BRCA2: variants seen among roughly 807,000 people sequenced by gnomAD.
BRCA2 encodes breast cancer type 2 susceptibility protein.
In BRCA2, 203 loss-of-function variants were observed where a neutral mutation model predicts 276.7. The ratio of observed to expected loss-of-function variants is 0.73; its 90% CI spans 0.65 to 0.82. BRCA2 has a LOEUF of 0.82. Ranked by LOEUF, BRCA2 falls within the 40% of genes least tolerant of loss-of-function variation. The pLI, the probability that BRCA2 is intolerant of heterozygous loss-of-function variation, is 0.00. For synonymous variants in BRCA2, 1,289 were observed against 1,338.4 expected (o/e 0.96, Z 0.81); for missense variants, 3,920 against 3,915.0 (o/e 1.00, Z -0.03).
At chr13:32,330,392 G>A (rs1319047385) in intron 8 of BRCA2, among the ~76,000 whole-genome samples, 4 of 152,156 alleles carry the variant, frequency 2.6e-5, no homozygotes, top group African/African-American at 9.7e-5. Flanking sequence ...CTTAAGTCGA[G>A]AACTTTCACT....
intron 8 of BRCA2, among the ~76,000 whole-genome samples, chr13:32,330,403 G>A (rs748384406): frequency 1.3e-5 from 2 of 152,152 alleles, no homozygotes; most frequent in Non-Finnish European, 1.5e-5. Context: ...AACTTTCACT[G>A]TTTCAATTAA....
rs949986087 is a variant in BRCA2, at chr13:32,356,730, G to A, written c.7617+121G>A. The A allele has an allele frequency of 4.1e-5, 50 of 1,214,764 alleles. No homozygotes were observed. In the African/African-American group the frequency reaches 5.7e-4, roughly 14 times the overall value. 75.2% of individuals were successfully genotyped at this position (1,214,764 alleles called of 1,614,324 possible). ...CACATTAGTGCAGGAATGGATGAATGAAATCATCATATTTTCTAATTAGCC... is the reference window on the plus strand; with the variant it reads ...CACATTAGTGCAGGAATGGATGAATAAAATCATCATATTTTCTAATTAGCC... On this transcript the variant is annotated intron_variant, in intron 15 of 26. Transcript: ENST00000380152.
chr13:32,353,288 T>C (rs2137552087), intron 13 of BRCA2, among the ~76,000 whole-genome samples: 1 of 152,308 alleles, frequency 6.6e-6, no homozygotes, highest in Non-Finnish European at 1.5e-5. Context: ...CTTTGAGTAC[T>C]CTCCTGAACC....
rs876658829 is a variant in BRCA2, at chr13:32,332,733, T to C, written c.1255T>C (p.Cys419Arg). The part of the protein sequence containing the change: ...EKIPLLHISS[C>R]DQNISEKDLL... ...AATACCCCTATTGCATATTTCTTCA[T>C]GTGACCAAAATATTTCAGAAAAAGA... Residue 419 changes from cysteine (C) to arginine (R), a missense_variant, in exon 10 of 27, where the codon TGT becomes CGT. Coordinates refer to ENST00000380152, the MANE Select transcript of BRCA2 (RefSeq NM_000059.4). The C allele has an allele frequency of 4.3e-6, 7 of 1,611,660 alleles. No homozygotes were observed. The highest frequency in any genetic ancestry group is 5.9e-6 in the Non-Finnish European group (7 of 1,179,384).
In BRCA2 at chr13:32,339,282, G is replaced by A. The variant is rs879254182; in HGVS notation, c.4927G>A (p.Val1643Ile). 5 of 1,607,332 alleles carry A rather than the reference G, an allele frequency of 3.1e-6. No homozygotes were observed. Among genetic ancestry groups the A allele is most frequent in the Admixed American group, 1.7e-5 (1 of 58,528 alleles). ...TTTGAAAGTTAAAGTACATGAAAAT[G>A]TAGAAAAAGAAACAGCAAAAAGTCC... is the stretch of plus-strand genomic sequence containing the variant. Reference protein sequence around the residue: ...IFLKVKVHENVEKETAKSPAT... With the variant: ...IFLKVKVHENIEKETAKSPAT... Residue 1643 changes from valine to isoleucine, a missense_variant, in exon 11 of 27, where the codon GTA becomes ATA. Val to Ile is a conservative substitution (Grantham distance 29, BLOSUM62 3). Around this residue, in one of 2 missense-constraint regions of BRCA2, gnomAD observed 3,263 missense variants for 3,156.9 expected, o/e 1.03. Coordinates refer to ENST00000380152, the MANE Select transcript of BRCA2 (RefSeq NM_000059.4).
At chr13:32,392,589 C>CAAA in intron 24 of BRCA2, among the ~76,000 whole-genome samples, 1 of 133,952 alleles carries the variant, frequency 7.5e-6, no homozygotes, top group African/African-American at 2.7e-5. Context: ...GACTGCGTCT[C>CAAA]AAAAAAAAAA....
At chr13:32,316,211 G>A (rs113210434) in intron 1 of BRCA2, among the ~76,000 whole-genome samples, 191 of 152,266 alleles carry the variant, frequency 1.3e-3, no homozygotes, top group African/African-American at 4.3e-3. Context: ...AGTCGCACTA[G>A]CCACGTTTCG....
At position 32,336,746 on chromosome 13, in the gene BRCA2, G is replaced by A. The variant is rs587776462; in HGVS notation, c.2391G>A (p.Lys797=). Residue 797 remains lysine (K), a synonymous_variant, in exon 11 of 27, where the codon AAG becomes AAA. Transcript: ENST00000380152. ...RGKESYKMSD[K]LKGNNYESDV... is the part of the protein sequence containing the mutation. Reference sequence around the variant, plus strand: ...AAGAATCATACAAAATGTCAGACAAGCTCAAAGGTAACAATTATGAATCTG... The same window carrying A: ...AAGAATCATACAAAATGTCAGACAAACTCAAAGGTAACAATTATGAATCTG... 40 of 1,613,540 alleles carry A rather than the reference G, an allele frequency of 2.5e-5. No individual in the cohort carries two copies. Among genetic ancestry groups the A allele is most frequent in the Non-Finnish European group, 3.3e-5 (39 of 1,179,868 alleles).
At chr13:32,368,329 A>G (rs181576490) in intron 18 of BRCA2, among the ~76,000 whole-genome samples, 1 of 152,180 alleles carries the variant, frequency 6.6e-6, no homozygotes, top group African/African-American at 2.4e-5. Context: ...AAAGGATTAC[A>G]GCCCTTTTCT....
intron 13 of BRCA2, among the ~76,000 whole-genome samples, chr13:32,354,214 C>T (rs764754263): frequency 6.6e-6 from 1 of 152,064 alleles, no homozygotes; most frequent in Admixed American, 6.6e-5. Context: ...TCATTAACAA[C>T]TTTATTGAGA....
In BRCA2 at chr13:32,338,533, C is replaced by G. The variant is rs398122776; in HGVS notation, c.4178C>G (p.Ala1393Gly). Residue 1393 changes from alanine to glycine, a missense_variant, in exon 11 of 27, where the codon GCG (alanine) becomes GGG (glycine). By Grantham distance (60) the Ala-to-Gly change is moderately conservative (BLOSUM62 0). This residue lies in a region of BRCA2 where 3,263 missense variants were observed against 3,156.9 expected (regional missense o/e 1.03). Coordinates refer to ENST00000380152, the MANE Select transcript of BRCA2 (RefSeq NM_000059.4). ...TCAGATTTAACTTTTTTGGAAGTTG[C>G]GAAAGCTCAAGAAGCATGTCATGGT... Reference protein sequence around the residue: ...DLSDLTFLEVAKAQEACHGNT... With the variant: ...DLSDLTFLEVGKAQEACHGNT... The G allele has an allele frequency of 6.2e-7, 1 of 1,603,368 alleles. No individual in the cohort carries two copies. The highest frequency in any genetic ancestry group is 1.7e-5 in the Admixed American group (1 of 57,496).
At chr13:32,333,481 T>C (rs1413543719) in intron 10 of BRCA2, 94 bp downstream of exon 10, 2 of 1,341,510 alleles carry the variant, frequency 1.5e-6, no homozygotes, top group African/African-American at 1.6e-5. Context: ...AATCTTCATA[T>C]CTTATATTTA....
Position 32,318,074 on chromosome 13 carries a change from TTATTAC to T in BRCA2, c.68-997_68-992del, listed in dbSNP as rs574882844. Among the ~76,000 whole-genome samples the T allele has an allele frequency of 4.3e-4, 66 of 152,294 alleles. 2 individuals carry two copies. In the South Asian group the frequency reaches 9.9e-3, roughly 23 times the overall value. On this transcript the variant is annotated intron_variant, in intron 2 of 26. Coordinates refer to ENST00000380152, the MANE Select transcript of BRCA2 (RefSeq NM_000059.4). ...ACATTCTTACATTAAACTGGCATTATTATTACTATTATTTTTAACAAGGACACTCAG... is the reference window on the plus strand; with the variant it reads ...ACATTCTTACATTAAACTGGCATTATTATTATTTTTAACAAGGACACTCAG...
In BRCA2 at chr13:32,332,930, A is replaced by G. The variant is rs753601570; in HGVS notation, c.1452A>G (p.Val484=). 9.3e-6 allele frequency: 15 copies of G among 1,608,058 alleles called. No homozygotes were observed. The South Asian group carries it at 1.2e-4, about 13-fold the overall frequency. The change falls in exon 10 of 27, where the codon GTA becomes GTG. Residue 484 remains valine, a synonymous_variant. Coordinates refer to ENST00000380152, the MANE Select transcript of BRCA2 (RefSeq NM_000059.4). ...LESHTDCILA[V]KQAISGTSPV... ...CTCATACAGACTGCATTCTTGCAGT[A>G]AAGCAGGCAATATCTGGAACTTCTC...
intron 8 of BRCA2, among the ~76,000 whole-genome samples, chr13:32,330,163 T>C (rs929351905): frequency 2.0e-5 from 3 of 152,218 alleles, no homozygotes; most frequent in Admixed American, 6.5e-5. Flanking sequence ...TTAGGCTCTA[T>C]GCTTTCTGGC....
rs80358757 is a variant in BRCA2 at position 32,339,699 on chromosome 13, C to A, written c.5344C>A (p.Gln1782Lys). The part of the protein sequence containing the change: ...IEPVLKNVED[Q>K]KNTSFSKVIS... ...GCCAGTATTGAAGAATGTTGAAGAT[C>A]AAAAAAACACTAGTTTTTCCAAAGT... Residue 1782 changes from glutamine to lysine, a missense_variant, in exon 11 of 27, where the codon CAA becomes AAA. Gln to Lys is a moderately conservative substitution (Grantham distance 53). Coordinates refer to ENST00000380152, the MANE Select transcript of BRCA2 (RefSeq NM_000059.4). 4 of 1,612,540 alleles carry A rather than the reference C, an allele frequency of 2.5e-6. No individual in the cohort carries two copies. The African/African-American group carries it at 4.0e-5, about 16-fold the overall frequency.
chr13:32,341,289 A>T, intron 11 of BRCA2, 93 bp downstream of exon 11: 1 of 1,574,664 alleles, frequency 6.4e-7, no homozygotes, highest in Non-Finnish European at 8.7e-7. Context: ...AGAGTGTTAT[A>T]AACTATGTCT....
In BRCA2 at chr13:32,379,342, G is replaced by A. The variant is rs1555288372; in HGVS notation, c.8780G>A (p.Arg2927Lys). The change falls in exon 22 of 27, where the codon AGA (arginine) becomes AAA (lysine). Residue 2927 changes from arginine (R) to lysine (K), a missense_variant. This residue lies in a region of BRCA2 where 657 missense variants were observed against 758.2 expected (regional missense o/e 0.87). Transcript: ENST00000380152. ...LEGYFSEEQL[R>K]ALNNHRQMLN... is the part of the protein sequence containing the mutation. The stretch of plus-strand genomic sequence containing the variant: ...GGTTATTTCAGTGAAGAGCAGTTAA[G>A]AGCCTTGAATAATCACAGGCAAATG... 1.2e-6 allele frequency: 2 copies of A among 1,613,696 alleles called. 1 individual carries two copies. The highest frequency in any genetic ancestry group is 1.7e-6 in the Non-Finnish European group (2 of 1,179,818).
chr13:32,357,718 T>C (rs2137565842), intron 15 of BRCA2, 24 bp from the exon 16 acceptor site: 1 of 1,600,882 alleles, frequency 6.2e-7, no homozygotes. Context: ...GTTTTTCTTT[T>C]TTGTGTGTGT....
Sources: gnomAD v4.1 joint callset for allele counts (sites outside exome capture counted in the v4.1 genomes callset) on GRCh38, gnomAD v4.1.1 for gene constraint, gnomAD v4.1.1 regional missense constraint, MANE v1.5 for transcripts, NCBI Gene and HGNC (gene_info 2026-07-23, HGNC 2026-07-21) for gene names.